The following GSE1 variants were observed in gnomAD, a reference collection of about 807,000 sequenced individuals.
The protein encoded by GSE1 is genetic suppressor element 1.
In GSE1, 32 loss-of-function variants were observed where a neutral mutation model predicts 112.6. The ratio of observed to expected loss-of-function variants is 0.28; its 90% confidence interval spans 0.21 to 0.38. The LOEUF (loss-of-function observed/expected upper bound fraction) is 0.38, where lower values mean the gene tolerates loss of function less well. Ranked by LOEUF, GSE1 falls within the 10% of genes least tolerant of loss-of-function variation. The pLI is 1.00. For synonymous variants in GSE1, 1,115 were observed against 735.6 expected, an observed-to-expected ratio of 1.52 and a Z score of -8.35; for missense variants, 2,348 against 1,699.2, an observed-to-expected ratio of 1.38 and a Z score of -6.71.
At chr16:85,389,573 A>C (rs2151641772) in intron 2 of GSE1, among the ~76,000 whole-genome samples, 1 of 152,066 alleles carries the variant, frequency 6.6e-6, no homozygotes, top group Non-Finnish European at 1.5e-5. Context: ...GGATGTGCAA[A>C]GCATCTTCCC....
At chr16:85,245,111 A>G (rs772407484) in intron 1 of GSE1, among the ~76,000 whole-genome samples, 83 of 152,060 alleles carry the variant, frequency 5.5e-4, no homozygotes, top group Non-Finnish European at 1.1e-3. Context: ...GCAGTAAGCT[A>G]TGATTGTATC....
intron 1 of GSE1, among the ~76,000 whole-genome samples, chr16:85,622,306 C>G (rs1042329387): frequency 6.6e-6 from 1 of 152,156 alleles, no homozygotes; most frequent in Non-Finnish European, 1.5e-5. Context: ...GGGCACAGCA[C>G]TTGGGGCTTT....
intron 2 of GSE1, among the ~76,000 whole-genome samples, chr16:85,376,961 G>A (rs1213223909): frequency 6.6e-6 from 1 of 152,264 alleles, no homozygotes; most frequent in African/African-American, 2.4e-5. Context: ...TGCACGCTGT[G>A]CAGTCGCGGG....
intron 1 of GSE1, among the ~76,000 whole-genome samples, chr16:85,303,667 A>G (rs2045586761): frequency 6.6e-6 from 1 of 152,240 alleles, no homozygotes; most frequent in African/African-American, 2.4e-5. Flanking sequence ...AGACCAGGTT[A>G]GGAAACACGG....
chr16:85,418,304 G>T (rs543666804), intron 2 of GSE1, among the ~76,000 whole-genome samples: 51 of 152,310 alleles, frequency 3.3e-4, no homozygotes, highest in African/African-American at 1.2e-3. Context: ...GGGCTGAAAG[G>T]TCCAACCTCC....
intron 1 of GSE1, among the ~76,000 whole-genome samples, chr16:85,350,170 G>A (rs915909924): frequency 1.3e-5 from 2 of 152,196 alleles, no homozygotes; most frequent in Non-Finnish European, 2.9e-5. Context: ...GACAAGTAAG[G>A]CAGGGGTTAC....
rs151057652 is a variant in GSE1, at chr16:85,195,623, C to G, written c.2283+23816C>G. ...TGGGTCCCCCCTGCTAATCCCCTATCGAGGTAAAGATTCCAGGGGGTGCAT... is the reference window on the plus strand; with the variant it reads ...TGGGTCCCCCCTGCTAATCCCCTATGGAGGTAAAGATTCCAGGGGGTGCAT... On this transcript the variant is annotated intron_variant, in intron 1 of 2. Coordinates refer to the GSE1 transcript ENST00000637419. Among the ~76,000 whole-genome samples, 3 of 152,326 alleles carry G rather than the reference C, an allele frequency of 2.0e-5. No homozygotes were observed. The East Asian group carries it at 5.8e-4, about 29-fold the overall frequency.
intron 1 of GSE1, among the ~76,000 whole-genome samples, chr16:85,566,769 G>C (rs1046273419): frequency 6.6e-6 from 1 of 152,212 alleles, no homozygotes; most frequent in Non-Finnish European, 1.5e-5. Context: ...CTTGGTAACT[G>C]TGTCAACCGT....
chr16:85,352,326 C>G (rs979876706), intron 1 of GSE1, among the ~76,000 whole-genome samples: 3 of 152,174 alleles, frequency 2.0e-5, no homozygotes, highest in Non-Finnish European at 4.4e-5. Flanking sequence ...TCATCCTTCC[C>G]CATTAACTAA....
chr16:85,376,904 G>T (rs772212090), intron 2 of GSE1, among the ~76,000 whole-genome samples: 4 of 152,234 alleles, frequency 2.6e-5, no homozygotes, highest in Non-Finnish European at 5.9e-5. Context: ...ACCGCACACC[G>T]CACACCCGGC....
At chr16:85,660,974 A>C (rs1420200963) in intron 8 of GSE1, among the ~76,000 whole-genome samples, 172 bp from the exon 9 acceptor site, 3 of 152,172 alleles carry the variant, frequency 2.0e-5, no homozygotes, top group African/African-American at 7.2e-5. Context: ...GAAAGACAGA[A>C]ACAATGATCC....
At chr16:85,657,684 G>C in intron 8 of GSE1, 80 bp downstream of exon 8, 1 of 967,852 alleles carries the variant, frequency 1.0e-6, no homozygotes. Context: ...CCTCCTGTTT[G>C]CCCAACATCC....
chr16:85,597,820 C>G (rs1303566211), intron 1 of GSE1, among the ~76,000 whole-genome samples: 1 of 152,200 alleles, frequency 6.6e-6, no homozygotes, highest in Admixed American at 6.5e-5. Context: ...TTACTGGTCT[C>G]AGGTTAGATC....
chr16:85,584,624 A>G (rs1036338188), intron 1 of GSE1, among the ~76,000 whole-genome samples: 1 of 151,032 alleles, frequency 6.6e-6, no homozygotes, highest in African/African-American at 2.4e-5. Context: ...TGGCAGCGTT[A>G]TTTGGCGAAA....
intron 1 of GSE1, among the ~76,000 whole-genome samples, chr16:85,333,955 C>T (rs896291302): frequency 6.6e-6 from 1 of 152,200 alleles, no homozygotes; most frequent in African/African-American, 2.4e-5. Context: ...CGCCTTTGGC[C>T]TTTCCTGCTA....
At chr16:85,514,808 G>T (rs2051872051) in intron 2 of GSE1, among the ~76,000 whole-genome samples, 1 of 152,174 alleles carries the variant, frequency 6.6e-6, no homozygotes, top group Admixed American at 6.5e-5. Flanking sequence ...GCCCCCAATA[G>T]CTCCTCTCCC....
chr16:85,263,340 G>C lies in GSE1; in HGVS notation c.2283+91533G>C, dbSNP rs1907908951. 2.6e-5 allele frequency among the ~76,000 whole-genome samples: 4 copies of C among 152,036 alleles called. No homozygotes were observed. In the South Asian group the frequency reaches 8.3e-4, roughly 32 times the overall value. On this transcript the variant is annotated intron_variant, in intron 1 of 2. Coordinates refer to the GSE1 transcript ENST00000637419. ...GATTGTGACGCTGGAGTGTGCATCA[G>C]AGGCCCCCAGAGAGCCGGGGAATCA...
chr16:85,661,194 C>G lies in GSE1; in HGVS notation c.1689C>G (p.His563Gln). The G allele has an allele frequency of 6.2e-7, 1 of 1,605,842 alleles. No homozygotes were observed. The highest frequency in any genetic ancestry group is 1.3e-5 in the African/African-American group (1 of 74,918). Residue 563 changes from histidine (H) to glutamine (Q), a missense_variant, in exon 9 of 16, where the codon CAC becomes CAG. Coordinates refer to ENST00000253458, the MANE Select transcript of GSE1 (RefSeq NM_014615.5). Reference sequence around the variant, plus strand: ...CAGGTGGCCGTGACCCTCCGCAGCACTTTGGGGGGCCACCACCTCTGATTT... The same window carrying G: ...CAGGTGGCCGTGACCCTCCGCAGCAGTTTGGGGGGCCACCACCTCTGATTT... ...HEPGGRDPPQ[H>Q]FGGPPPLISP... is the part of the protein sequence containing the mutation.
Position 85,473,907 on chromosome 16 carries a change from G to A in GSE1, c.2464+116264G>A, listed in dbSNP as rs75378510. On this transcript the variant is annotated intron_variant, in intron 2 of 2. Transcript: ENST00000637419. ...CCCAGGCACTAGCATGACCAGCTCC[G>A]AAAAAAGAGCCGGAGCTGGTCCAAT... Among the ~76,000 whole-genome samples the A allele has an allele frequency of 9.7e-3, 1,477 of 151,674 alleles. 25 individuals carry two copies. Among genetic ancestry groups the A allele is most frequent in the African/African-American group, 0.034 (1,407 of 41,440 alleles).
Sources: allele counts gnomAD v4.1 joint callset (sites outside exome capture counted in the v4.1 genomes callset), GRCh38; gene constraint gnomAD v4.1.1; transcripts MANE v1.5; gene names NCBI Gene and HGNC (gene_info 2026-07-23, HGNC 2026-07-21).